Variants in MAP4K4 observed in about 807,000 individuals in gnomAD.
The protein encoded by MAP4K4 is HPK/GCK-like kinase HGK.
A neutral mutation model predicts 189.6 loss-of-function variants in MAP4K4; 38 were observed. The observed-to-expected ratio is 0.20, with a 90% confidence interval of 0.15 to 0.26. The LOEUF (loss-of-function observed/expected upper bound fraction) is 0.26. Ranked by LOEUF, MAP4K4 falls within the 10% of genes least tolerant of loss-of-function variation. The probability of loss-of-function intolerance (pLI) is 1.00; values close to 1 mark genes in which losing one functional copy is unlikely to be tolerated. For synonymous variants in MAP4K4, 610 were observed against 624.3 expected, an observed-to-expected ratio of 0.98 and a Z score of 0.34; for missense variants, 1,054 against 1,726.9, an observed-to-expected ratio of 0.61 and a Z score of 6.91.
intron 28 of MAP4K4, among the ~76,000 whole-genome samples, chr2:101,884,271 C>T (rs906525282): frequency 2.0e-5 from 3 of 152,090 alleles, no homozygotes; most frequent in Non-Finnish European, 2.9e-5. Context: ...CTCAATGGCA[C>T]TAGTACATTC....
chr2:101,864,732 T>C (rs192739289), intron 17 of MAP4K4, among the ~76,000 whole-genome samples, 198 bp from the exon 18 acceptor site: 2 of 152,208 alleles, frequency 1.3e-5, no homozygotes, highest in African/African-American at 4.8e-5. Context: ...TGTACTGGCT[T>C]CTTGGATGCT....
intron 2 of MAP4K4, among the ~76,000 whole-genome samples, chr2:101,716,840 T>G (rs1362450335): frequency 6.6e-6 from 1 of 152,218 alleles, no homozygotes; most frequent in African/African-American, 2.4e-5. Flanking sequence ...GGCCTTTTGT[T>G]TCCCATATCT....
chr2:101,728,031 A>C (rs1022083905), intron 2 of MAP4K4, among the ~76,000 whole-genome samples: 50 of 152,220 alleles, frequency 3.3e-4, no homozygotes, highest in African/African-American at 1.2e-3. Flanking sequence ...AACGTGTAGC[A>C]TCAGAAAGTT....
intron 13 of MAP4K4, among the ~76,000 whole-genome samples, chr2:101,856,708 AT>A (rs935157225): frequency 6.6e-5 from 10 of 152,082 alleles, no homozygotes; most frequent in Admixed American, 6.5e-4. Context: ...ATTTAGAATT[AT>A]TTTTTTGTTT....
intron 11 of MAP4K4, among the ~76,000 whole-genome samples, chr2:101,843,233 C>A (rs1171264963): frequency 2.0e-5 from 3 of 152,092 alleles, no homozygotes; most frequent in Non-Finnish European, 2.9e-5. Context: ...TTGGGTGTGC[C>A]TGGCAGTTGT....
chr2:101,721,303 G>A (rs1015720551), intron 2 of MAP4K4, among the ~76,000 whole-genome samples: 4 of 151,920 alleles, frequency 2.6e-5, no homozygotes, highest in South Asian at 2.1e-4. Context: ...TTTCTCTAGG[G>A]CAGTGTGAAA....
intron 2 of MAP4K4, among the ~76,000 whole-genome samples, chr2:101,789,989 A>T (rs1558935756): frequency 6.6e-6 from 1 of 152,302 alleles, no homozygotes; most frequent in East Asian, 1.9e-4. Context: ...CGACTTCTTT[A>T]TACACTTAAA....
intron 9 of MAP4K4, 63 bp downstream of exon 9, chr2:101,836,041 A>T: frequency 8.0e-7 from 1 of 1,248,108 alleles, no homozygotes; most frequent in African/African-American, 1.5e-5. Context: ...CTTTTTAGTT[A>T]TACTTTCCTC....
At chr2:101,727,740 A>T (rs2149525610) in intron 2 of MAP4K4, among the ~76,000 whole-genome samples, 1 of 152,370 alleles carries the variant, frequency 6.6e-6, no homozygotes, top group Admixed American at 6.5e-5. Flanking sequence ...AGGCTGAGGC[A>T]GGCGGATCAC....
exon 24 of MAP4K4, chr2:101,871,548 C>T (rs1024720142): frequency 1.4e-5 from 22 of 1,536,078 alleles, no homozygotes; most frequent in African/African-American, 5.5e-5. Context: ...CTTTGCCGGT[C>T]GCATTCACCT....
chr2:101,753,408 A>G (rs1217845151), intron 2 of MAP4K4, among the ~76,000 whole-genome samples: 2 of 152,260 alleles, frequency 1.3e-5, no homozygotes, highest in African/African-American at 4.8e-5. Flanking sequence ...CATTTTGAAC[A>G]TAAACATTCT....
In MAP4K4 at chr2:101,703,809, C is replaced by T. The variant is rs140600333; in HGVS notation, c.123+5271C>T. ...CGGGTGGATAACAAAGTCAGGAGTTCAAGACCAGCCTGTCAACATGGTGAA... is the reference window on the plus strand; with the variant it reads ...CGGGTGGATAACAAAGTCAGGAGTTTAAGACCAGCCTGTCAACATGGTGAA... On this transcript the variant is annotated intron_variant, in intron 2 of 32. Transcript: ENST00000324219. Among the ~76,000 whole-genome samples, 1,187 of 151,656 alleles carry T rather than the reference C, an allele frequency of 7.8e-3. 17 individuals carry two copies. Among genetic ancestry groups the T allele is most frequent in the African/African-American group, 0.028 (1,139 of 41,320 alleles).
At chr2:101,698,384 C>A in intron 1 of MAP4K4, 89 bp from the exon 2 acceptor site, 1 of 1,251,854 alleles carries the variant, frequency 8.0e-7, no homozygotes, top group Non-Finnish European at 1.2e-6. Context: ...CCTCTTTTGT[C>A]ACCGCCTTTT....
chr2:101,841,911 G>T (rs2096931557), intron 10 of MAP4K4, among the ~76,000 whole-genome samples: 8 of 152,218 alleles, frequency 5.3e-5, no homozygotes. Context: ...TAAGTGAAGG[G>T]ACCAATAAAT....
intron 11 of MAP4K4, among the ~76,000 whole-genome samples, chr2:101,843,797 A>G (rs958366204): frequency 2.0e-5 from 3 of 152,214 alleles, no homozygotes; most frequent in African/African-American, 7.2e-5. Context: ...TAGTGAAATC[A>G]AAGAAGGTGA....
At chr2:101,739,566 T>C (rs916851317) in intron 2 of MAP4K4, among the ~76,000 whole-genome samples, 3 of 152,192 alleles carry the variant, frequency 2.0e-5, no homozygotes, top group Non-Finnish European at 2.9e-5. Flanking sequence ...TCTGAGTGCT[T>C]AGTGCCTTAT....
At chr2:101,861,020 A>G in intron 16 of MAP4K4, 34 bp downstream of exon 16, 1 of 1,554,498 alleles carries the variant, frequency 6.4e-7, no homozygotes, top group South Asian at 1.2e-5. Context: ...GGTTGAGGAG[A>G]CTCATGCAAC....
chr2:101,743,102 C>G (rs1024684827), intron 2 of MAP4K4, among the ~76,000 whole-genome samples: 1 of 151,984 alleles, frequency 6.6e-6, no homozygotes, highest in African/African-American at 2.4e-5. Context: ...CTCAGTTTTC[C>G]CCATGAAAGA....
At chr2:101,847,746 C>T (rs2097154200) in intron 12 of MAP4K4, among the ~76,000 whole-genome samples, 1 of 151,824 alleles carries the variant, frequency 6.6e-6, no homozygotes, top group Non-Finnish European at 1.5e-5. Context: ...GAAAGAAAAA[C>T]ATTTTAAAAT....
Sources: allele counts gnomAD v4.1 joint callset (sites outside exome capture counted in the v4.1 genomes callset), GRCh38; gene constraint gnomAD v4.1.1; transcripts MANE v1.5; gene names NCBI Gene and HGNC (gene_info 2026-07-23, HGNC 2026-07-21).